The following LSAMP variants were observed in gnomAD, a reference collection of about 807,000 sequenced individuals.
LSAMP encodes limbic system associated membrane protein, also known as limbic system-associated membrane protein.
A neutral mutation model predicts 38.6 loss-of-function variants in LSAMP; 7 were observed. That is an observed-to-expected ratio of 0.18 (90% confidence interval 0.10 to 0.34). LSAMP has a LOEUF of 0.34. LSAMP is among the 10% of genes least tolerant of loss of function. The probability of loss-of-function intolerance (pLI) is 1.00; values close to 1 mark genes in which losing one functional copy is unlikely to be tolerated. For missense variants in LSAMP, 313 were observed against 420.0 expected, an observed-to-expected ratio of 0.75 and a Z score of 2.23; for synonymous variants, 154 against 166.8, an observed-to-expected ratio of 0.92 and a Z score of 0.59.
chr3:115,968,478 A>G (rs183729761), intron 3 of LSAMP, among the ~76,000 whole-genome samples: 1 of 152,148 alleles, frequency 6.6e-6, no homozygotes, highest in Admixed American at 6.5e-5. Context: ...GGGTGTGTCT[A>G]GACATGTCAT....
At chr3:116,379,924 A>C (rs1428396975) in intron 1 of LSAMP, among the ~76,000 whole-genome samples, 1 of 152,080 alleles carries the variant, frequency 6.6e-6, no homozygotes, top group Non-Finnish European at 1.5e-5. Context: ...TGTGTTTGGA[A>C]TCTCTGATTT....
chr3:116,126,748 G>T (rs918634666), intron 1 of LSAMP, among the ~76,000 whole-genome samples: 2 of 152,160 alleles, frequency 1.3e-5, no homozygotes, highest in Non-Finnish European at 2.9e-5. Flanking sequence ...TGTAATCCCA[G>T]CTACTCAGAG....
chr3:115,903,625 A>C (rs78625683), intron 3 of LSAMP, among the ~76,000 whole-genome samples: 1,667 of 152,298 alleles, frequency 0.011, 22 homozygotes, highest in Non-Finnish European at 0.015. Context: ...ATTTGGATAC[A>C]TTAGCTTTTT....
At chr3:115,990,823 T>G (rs973877457) in intron 3 of LSAMP, among the ~76,000 whole-genome samples, 1 of 151,846 alleles carries the variant, frequency 6.6e-6, no homozygotes, top group Non-Finnish European at 1.5e-5. Context: ...ACAGGGAGAG[T>G]AGGCTTATTT....
At position 116,187,497 on chromosome 3, in the gene LSAMP, A is replaced by G. The variant is rs1028375738; in HGVS notation, c.156-100941T>C. ...TTCTACTTTCCACTCTTCTTTCTCA[A>G]TTACAGTGATCTTTCTATTACCTCA... On this transcript the variant is annotated intron_variant, in intron 1 of 6. Coordinates refer to ENST00000490035, the MANE Select transcript of LSAMP (RefSeq NM_002338.5). Among the ~76,000 whole-genome samples, 17 of 152,158 alleles carry G rather than the reference A, an allele frequency of 1.1e-4. 1 individual carries two copies. Among genetic ancestry groups the G allele is most frequent in the African/African-American group, 3.6e-4 (15 of 41,436 alleles).
At chr3:115,992,511 A>G (rs941220376) in intron 3 of LSAMP, among the ~76,000 whole-genome samples, 3 of 152,134 alleles carry the variant, frequency 2.0e-5, no homozygotes, top group Non-Finnish European at 2.9e-5. Flanking sequence ...CATACAGATT[A>G]GATGATACCA....
intron 1 of LSAMP, among the ~76,000 whole-genome samples, chr3:116,382,313 A>T (rs1454622707): frequency 1.3e-5 from 2 of 152,120 alleles, no homozygotes; most frequent in African/African-American, 2.4e-5. Context: ...ACCATGGAAT[A>T]CTATGCAGCC....
intron 1 of LSAMP, among the ~76,000 whole-genome samples, chr3:116,261,451 A>G (rs919622194): frequency 5.3e-5 from 8 of 152,180 alleles, no homozygotes; most frequent in Non-Finnish European, 1.2e-4. Context: ...TTGAATTATC[A>G]GCATGTCACC....
At chr3:116,108,470 C>A (rs1046382349) in intron 1 of LSAMP, among the ~76,000 whole-genome samples, 2 of 152,016 alleles carry the variant, frequency 1.3e-5, no homozygotes, top group Admixed American at 6.5e-5. Context: ...AGTGGGTAGC[C>A]TCCATATTGA....
intron 3 of LSAMP, among the ~76,000 whole-genome samples, chr3:115,890,532 T>C (rs1042888090): frequency 1.3e-5 from 2 of 151,970 alleles, no homozygotes. Flanking sequence ...CACAGCCGGT[T>C]GAAGTTGAAT....
At chr3:115,969,208 ATG>A (rs1476340656) in intron 3 of LSAMP, among the ~76,000 whole-genome samples, 2 of 152,214 alleles carry the variant, frequency 1.3e-5, no homozygotes, top group African/African-American at 4.8e-5. Context: ...GTTGTTAAAT[ATG>A]ACATTTCTGC....
chr3:116,068,960 T>A (rs1707529807), intron 2 of LSAMP, among the ~76,000 whole-genome samples: 1 of 152,150 alleles, frequency 6.6e-6, no homozygotes, highest in South Asian at 2.1e-4. Flanking sequence ...GAGAAAGAAC[T>A]TGCTTGTGGA....
intron 1 of LSAMP, among the ~76,000 whole-genome samples, chr3:116,412,366 C>G (rs1173905874): frequency 6.6e-6 from 1 of 152,058 alleles, no homozygotes; most frequent in Non-Finnish European, 1.5e-5. Flanking sequence ...AACATTCAGT[C>G]TCACTATGCA....
intron 3 of LSAMP, among the ~76,000 whole-genome samples, chr3:115,878,312 T>C (rs1414192352): frequency 6.6e-6 from 1 of 152,080 alleles, no homozygotes; most frequent in Admixed American, 6.6e-5. Flanking sequence ...ATGGGATATG[T>C]TACATTTAAG....
intron 1 of LSAMP, among the ~76,000 whole-genome samples, chr3:116,214,614 C>T (rs1216223557): frequency 6.6e-6 from 1 of 151,238 alleles, no homozygotes; most frequent in Non-Finnish European, 1.5e-5. Context: ...AGCAATTCTC[C>T]ACCTCAGCCT....
At chr3:115,873,200 T>A (rs1295817342) in intron 3 of LSAMP, among the ~76,000 whole-genome samples, 2 of 151,904 alleles carry the variant, frequency 1.3e-5, no homozygotes, top group African/African-American at 4.8e-5. Context: ...CGAAACGCTG[T>A]CTCTACCAAA....
intron 1 of LSAMP, among the ~76,000 whole-genome samples, chr3:116,112,278 TAA>T (rs1251613825): frequency 6.6e-6 from 1 of 152,056 alleles, no homozygotes; most frequent in Non-Finnish European, 1.5e-5. Flanking sequence ...TTTTTAATAA[TAA>T]AGAGTATGAT....
intron 1 of LSAMP, among the ~76,000 whole-genome samples, chr3:116,173,467 C>T (rs879345495): frequency 6.6e-6 from 1 of 151,756 alleles, no homozygotes; most frequent in Non-Finnish European, 1.5e-5. Flanking sequence ...AATCCAGTGG[C>T]AAATGCCCAC....
At chr3:116,410,490 C>A (rs937852340) in intron 1 of LSAMP, among the ~76,000 whole-genome samples, 4 of 131,986 alleles carry the variant, frequency 3.0e-5, no homozygotes, top group African/African-American at 1.5e-4. Flanking sequence ...ACCTAATTAG[C>A]CATTTTTTTT....
Sources: allele counts gnomAD v4.1 joint callset (sites outside exome capture counted in the v4.1 genomes callset), GRCh38; gene constraint gnomAD v4.1.1; transcripts MANE v1.5; gene names NCBI Gene and HGNC (gene_info 2026-07-23, HGNC 2026-07-21).